The following FLG variants were observed in gnomAD, a reference collection of about 807,000 sequenced individuals.
The protein encoded by FLG is filaggrin.
A neutral mutation model predicts 3.8 loss-of-function variants in FLG; 6 were observed. The observed-to-expected ratio is 1.60, with a 90% CI of 0.87 to 3.15. The LOEUF (loss-of-function observed/expected upper bound fraction) is 3.15. Among genes scored for constraint, FLG ranks in the 30% most tolerant of loss-of-function variants. FLG has a pLI of 0.00. For synonymous variants in FLG, 2,551 were observed against 1,931.6 expected (o/e 1.32, Z -8.41); for missense variants, 7,595 against 5,050.9 (o/e 1.50, Z -15.27).
In FLG at chr1:152,311,141, G is replaced by T. The variant is rs974058013; in HGVS notation, c.3745C>A (p.His1249Asn). The T allele has an allele frequency of 1.9e-6, 3 of 1,613,794 alleles. No individual in the cohort carries two copies. The highest frequency in any genetic ancestry group is 1.3e-5 in the African/African-American group (1 of 74,832). ...GATTGTTCCTGTCCCACCTGTGAGTGTCTAGAGCTGTCAGCCCAAGAGGCA... is the reference window on the plus strand; with the variant it reads ...GATTGTTCCTGTCCCACCTGTGAGTTTCTAGAGCTGTCAGCCCAAGAGGCA... ...EAASWADSSR[H>N]SQVGQEQSSG... is the part of the protein sequence containing the mutation. Residue 1249 changes from histidine to asparagine, a missense_variant, in exon 3 of 3, where the codon CAC (histidine) becomes AAC (asparagine). Coordinates refer to ENST00000368799, the MANE Select transcript of FLG (RefSeq NM_002016.2).
In FLG at chr1:152,307,354, C is replaced by G; in HGVS notation, c.7532G>C (p.Arg2511Thr). The part of the protein sequence containing the change: ...SDASHGHSGS[R>T]SASRQTRNDE... ...GTTACGAGTTTGTCTGCTTGCACTT[C>G]TGGATCCTGAGTGCCCATGGGAGGC... The change falls in exon 3 of 3, where the codon AGA becomes ACA. Residue 2511 changes from arginine to threonine, a missense_variant. By Grantham distance (71) the Arg-to-Thr change is moderately conservative (BLOSUM62 -1). Transcript: ENST00000368799. The G allele has an allele frequency of 1.9e-6, 3 of 1,613,132 alleles. No individual in the cohort carries two copies. Among genetic ancestry groups the G allele is most frequent in the Non-Finnish European group, 2.5e-6 (3 of 1,179,700 alleles).
rs745727076 is a variant in FLG, at chr1:152,308,765, C to G, written c.6121G>C (p.Gly2041Arg). ...CCCTCACTGTCACTGGCCTGACTAC[C>G]ACTGTACCCTCGGTGTCCACTGTCT... ...VRDSGHRGYS[G>R]SQASDSEGHS... The change falls in exon 3 of 3, where the codon GGT becomes CGT. Residue 2041 changes from glycine (G) to arginine (R), a missense_variant. Coordinates refer to ENST00000368799, the MANE Select transcript of FLG (RefSeq NM_002016.2). The G allele has an allele frequency of 6.2e-7, 1 of 1,614,188 alleles. No homozygotes were observed. The highest frequency in any genetic ancestry group is 8.5e-7 in the Non-Finnish European group (1 of 1,180,018).
chr1:152,308,578 G>T lies in FLG; in HGVS notation c.6308C>A (p.Thr2103Asn), dbSNP rs565740303. 4 of 1,613,236 alleles carry T rather than the reference G, an allele frequency of 2.5e-6. No individual in the cohort carries two copies. Among genetic ancestry groups the T allele is most frequent in the Non-Finnish European group, 3.4e-6 (4 of 1,179,300 alleles). ...AGTGCTGGGCGCAGACTGTCCATGG[G>T]TGGACTCAGACTGTTCATGAGTGCT... ...QVSTHEQSESTHGQSAPSTGG... is the reference protein window; with the variant it reads ...QVSTHEQSESNHGQSAPSTGG... The change falls in exon 3 of 3, where the codon ACC becomes AAC. Residue 2103 changes from threonine to asparagine, a missense_variant. By Grantham distance (65) the Thr-to-Asn change is moderately conservative (BLOSUM62 0). Coordinates refer to ENST00000368799, the MANE Select transcript of FLG (RefSeq NM_002016.2).
Position 152,310,935 on chromosome 1 carries a change from G to A in FLG, c.3951C>T (p.Ala1317=), listed in dbSNP as rs572804727. The A allele has an allele frequency of 1.2e-6, 2 of 1,613,928 alleles. No individual in the cohort carries two copies. Among genetic ancestry groups the A allele is most frequent in the Non-Finnish European group, 1.7e-6 (2 of 1,180,008 alleles). ...AGCTGTCTGCAGAGTGCCCGTGACT[G>A]GCTCTGTCTTCTTGATGGAACCCAG... ...RHPGFHQEDR[A]SHGHSADSSR... is the part of the protein sequence containing the mutation. The change falls in exon 3 of 3, where the codon GCC becomes GCT. Residue 1317 remains alanine (A), a synonymous_variant. Coordinates refer to ENST00000368799, the MANE Select transcript of FLG (RefSeq NM_002016.2).
In FLG at chr1:152,314,764, C is replaced by A; in HGVS notation, c.139-17G>T. On this transcript the variant is annotated splice_polypyrimidine_tract_variant and intron_variant, in intron 2 of 2. Transcript: ENST00000368799. Reference sequence around the variant, plus strand: ...ATCTGGATTCTGTACAGAGGGAAGTCACAGAGGGAGACTGCATCAGACAGA... The same window carrying A: ...ATCTGGATTCTGTACAGAGGGAAGTAACAGAGGGAGACTGCATCAGACAGA... 1 of 1,613,724 alleles carries A rather than the reference C, an allele frequency of 6.2e-7. No individual in the cohort carries two copies. Among genetic ancestry groups the A allele is most frequent in the South Asian group, 1.1e-5 (1 of 90,974 alleles).
chr1:152,314,047 C>G lies in FLG; in HGVS notation c.839G>C (p.Ser280Thr), dbSNP rs370142037. Residue 280 changes from serine to threonine, a missense_variant, in exon 3 of 3, where the codon AGC becomes ACC. Transcript: ENST00000368799. ...QVNRSRHENT[S>T]QVPLQESRTR... Reference sequence around the variant, plus strand: ...CCTGGACTCCTGCAATGGTACCTGGCTTGTATTTTCATGTCTTGACCTGTT... The same window carrying G: ...CCTGGACTCCTGCAATGGTACCTGGGTTGTATTTTCATGTCTTGACCTGTT... 2 of 1,614,190 alleles carry G rather than the reference C, an allele frequency of 1.2e-6. No individual in the cohort carries two copies. Among genetic ancestry groups the G allele is most frequent in the South Asian group, 2.2e-5 (2 of 91,084 alleles).
chr1:152,314,882 CT>C, intron 2 of FLG, 135 bp from the exon 3 acceptor site: 1 of 1,065,782 alleles, frequency 9.4e-7, no homozygotes, highest in Non-Finnish European at 1.4e-6. Flanking sequence ...TTTTTTAAGA[CT>C]TTTTTGTCTC....
At position 152,313,154 on chromosome 1, in the gene FLG, C is replaced by T; in HGVS notation, c.1732G>A (p.Gly578Arg). ...SRQTRNEEQS[G>R]DGTRHSGSRH... Reference sequence around the variant, plus strand: ...GACCCTGAGTGCCTGGTGCCGTCTCCTGATTGTTCCTCATTTCGTGTTTGT... The same window carrying T: ...GACCCTGAGTGCCTGGTGCCGTCTCTTGATTGTTCCTCATTTCGTGTTTGT... Residue 578 changes from glycine (G) to arginine (R), a missense_variant, in exon 3 of 3, where the codon GGA (glycine) becomes AGA (arginine). Transcript: ENST00000368799. 6.2e-7 allele frequency: 1 copy of T among 1,613,832 alleles called. No individual in the cohort carries two copies. The highest frequency in any genetic ancestry group is 8.5e-7 in the Non-Finnish European group (1 of 1,179,998).
chr1:152,303,599 C>T lies in FLG; in HGVS notation c.11287G>A (p.Gly3763Arg), dbSNP rs761358635. Reference sequence around the variant, plus strand: ...CCCTGTCTTCCTCCTCTCCTTGACCCCGGGTGTCCACGAATGGTGTCCTGA... The same window carrying T: ...CCCTGTCTTCCTCCTCTCCTTGACCTCGGGTGTCCACGAATGGTGTCCTGA... ...EGQDTIRGHP[G>R]SRRGGRQGSY... Residue 3763 changes from glycine (G) to arginine (R), a missense_variant, in exon 3 of 3, where the codon GGG (glycine) becomes AGG (arginine). Physicochemically the swap from Gly to Arg is moderately radical, Grantham distance 125. Coordinates refer to ENST00000368799, the MANE Select transcript of FLG (RefSeq NM_002016.2). The T allele has an allele frequency of 1.2e-6, 2 of 1,613,890 alleles. No individual in the cohort carries two copies. The highest frequency in any genetic ancestry group is 1.7e-6 in the Non-Finnish European group (2 of 1,179,948).
Position 152,307,972 on chromosome 1 carries a change from T to A in FLG, c.6914A>T (p.His2305Leu). ...SAESSRQSGT[H>L]HAENSSGGQA... ...TCCACCAGAGGAATTCTCTGCATGA[T>A]GAGTGCCTGATTGTCTGGAGCTCTC... Residue 2305 changes from histidine to leucine, a missense_variant, in exon 3 of 3, where the codon CAT (histidine) becomes CTT (leucine). Coordinates refer to ENST00000368799, the MANE Select transcript of FLG (RefSeq NM_002016.2). The A allele has an allele frequency of 6.2e-7, 1 of 1,614,100 alleles. No individual in the cohort carries two copies. The highest frequency in any genetic ancestry group is 2.2e-5 in the East Asian group (1 of 44,876).
intron 1 of FLG, among the ~76,000 whole-genome samples, chr1:152,320,511 A>G (rs1266143239): frequency 1.3e-5 from 2 of 151,136 alleles, no homozygotes; most frequent in Admixed American, 1.3e-4. Context: ...ATATTGCTAG[A>G]AGGAAATTTT....
intron 1 of FLG, among the ~76,000 whole-genome samples, chr1:152,318,174 T>G (rs563971292): frequency 6.6e-6 from 1 of 151,962 alleles, no homozygotes; most frequent in Non-Finnish European, 1.5e-5. Context: ...CTGCTTCATT[T>G]CACAGGAGTC....
rs149975479 is a variant in FLG at position 152,310,283 on chromosome 1, A to G, written c.4603T>C (p.Ser1535Pro). 6.2e-7 allele frequency: 1 copy of G among 1,613,460 alleles called. No homozygotes were observed. Among genetic ancestry groups the G allele is most frequent in the South Asian group, 1.1e-5 (1 of 91,046 alleles). ...TGCCTGCTTGCACTTCTGGGTCCTG[A>G]CTGCCCATGGGAGGCATCAGACCTT... ...QGRSDASHGQSGPRSASRQTR... is the reference protein window; with the variant it reads ...QGRSDASHGQPGPRSASRQTR... The change falls in exon 3 of 3, where the codon TCA becomes CCA. Residue 1535 changes from serine (S) to proline (P), a missense_variant. Physicochemically the swap from Ser to Pro is moderately conservative, Grantham distance 74 (BLOSUM62 -1). Coordinates refer to ENST00000368799, the MANE Select transcript of FLG (RefSeq NM_002016.2).
In FLG at chr1:152,315,314, C is replaced by G. The variant is rs1330150942; in HGVS notation, c.138+5G>C. The stretch of plus-strand genomic sequence containing the variant: ...TCTATCTTTGGTCTTGTCAGAGACT[C>G]TTACCTTCAGGATTTGCCGAAATTC... On this transcript the variant is annotated splice_donor_5th_base_variant and intron_variant, in intron 2 of 2. Transcript: ENST00000368799. 2 of 1,613,098 alleles carry G rather than the reference C, an allele frequency of 1.2e-6. No homozygotes were observed. Among genetic ancestry groups the G allele is most frequent in the Admixed American group, 1.7e-5 (1 of 59,994 alleles).
Position 152,307,513 on chromosome 1 carries a change from C to A in FLG, c.7373G>T (p.Gly2458Val), listed in dbSNP as rs543401482. Residue 2458 changes from glycine (G) to valine (V), a missense_variant, in exon 3 of 3, where the codon GGT becomes GTT. Coordinates refer to ENST00000368799, the MANE Select transcript of FLG (RefSeq NM_002016.2). ...DSSRHSTSQE[G>V]QDTIHGHPGS... is the part of the protein sequence containing the mutation. ...CGGGTGTCCATGAATGGTGTCCTGACCCTCTTGGGACGTTGAGTGCCTGGA... is the reference window on the plus strand; with the variant it reads ...CGGGTGTCCATGAATGGTGTCCTGAACCTCTTGGGACGTTGAGTGCCTGGA... The A allele has an allele frequency of 9.9e-6, 16 of 1,613,342 alleles. 2 individuals are homozygous for A. In the South Asian group the frequency reaches 1.2e-4, roughly 12 times the overall value.
rs1459573657 is a variant in FLG, at chr1:152,302,828, A to G, written c.12058T>C (p.Phe4020Leu). The G allele has an allele frequency of 1.9e-6, 3 of 1,614,094 alleles. No individual in the cohort carries two copies. The highest frequency in any genetic ancestry group is 2.5e-6 in the Non-Finnish European group (3 of 1,180,050). ...TAATACCTTGGATGATCTTTACCAA[A>G]CGCACTTGCTTTACAGATATCAGAT... ...ERSDICKASAFGKDHPRYYAT... is the reference protein window; with the variant it reads ...ERSDICKASALGKDHPRYYAT... Residue 4020 changes from phenylalanine to leucine, a missense_variant, in exon 3 of 3, where the codon TTT becomes CTT. Transcript: ENST00000368799.
chr1:152,312,536 C>T lies in FLG; in HGVS notation c.2350G>A (p.Gly784Arg). Residue 784 changes from glycine (G) to arginine (R), a missense_variant, in exon 3 of 3, where the codon GGG becomes AGG. By Grantham distance (125) the Gly-to-Arg change is moderately radical. Coordinates refer to ENST00000368799, the MANE Select transcript of FLG (RefSeq NM_002016.2). ...GACCCTGAACGTCGAGACCTTTCCC[C>T]TGACCGGTCACGTGCGGACTCTTGG... is the stretch of plus-strand genomic sequence containing the variant. ...SHQESARDRS[G>R]ERSRRSGSFL... The T allele has an allele frequency of 6.2e-7, 1 of 1,613,636 alleles. No individual in the cohort carries two copies. Among genetic ancestry groups the T allele is most frequent in the Non-Finnish European group, 8.5e-7 (1 of 1,179,936 alleles).
Position 152,311,645 on chromosome 1 carries a change from A to G in FLG, c.3241T>C (p.Ser1081Pro). The G allele has an allele frequency of 6.2e-7, 1 of 1,613,220 alleles. No homozygotes were observed. The highest frequency in any genetic ancestry group is 8.5e-7 in the Non-Finnish European group (1 of 1,179,850). The change falls in exon 3 of 3, where the codon TCA becomes CCA. Residue 1081 changes from serine to proline, a missense_variant. Physicochemically the swap from Ser to Pro is moderately conservative, Grantham distance 74 (BLOSUM62 -1). Transcript: ENST00000368799. ...ASDSEGHSEE[S>P]DTQSVSGHGQ... ...TGGCCTGACACTGACTGTGTGTCTG[A>G]CTCCTCTGAATGTCCCTCACTATCA...
In FLG at chr1:152,313,462, T is replaced by A; in HGVS notation, c.1424A>T (p.His475Leu). The change falls in exon 3 of 3, where the codon CAT (histidine) becomes CTT (leucine). Residue 475 changes from histidine to leucine, a missense_variant. Physicochemically the swap from His to Leu is moderately conservative, Grantham distance 99. Coordinates refer to ENST00000368799, the MANE Select transcript of FLG (RefSeq NM_002016.2). ...SGSSLYQVSTHEQPDSAHGRT... is the reference protein window; with the variant it reads ...SGSSLYQVSTLEQPDSAHGRT... Reference sequence around the variant, plus strand: ...TCCATGGGCAGAGTCAGGCTGTTCATGAGTGCTCACCTGGTAGAGGGAAGA... The same window carrying A: ...TCCATGGGCAGAGTCAGGCTGTTCAAGAGTGCTCACCTGGTAGAGGGAAGA... 6.2e-7 allele frequency: 1 copy of A among 1,613,878 alleles called. No homozygotes were observed. The highest frequency in any genetic ancestry group is 8.5e-7 in the Non-Finnish European group (1 of 1,179,980).
Sources: gnomAD v4.1 joint callset for allele counts (sites outside exome capture counted in the v4.1 genomes callset) on GRCh38, gnomAD v4.1.1 for gene constraint, MANE v1.5 for transcripts, NCBI Gene and HGNC (gene_info 2026-07-23, HGNC 2026-07-21) for gene names.